The following FUT6 variants were observed in gnomAD, a reference collection of about 807,000 sequenced individuals.
FUT6 encodes the protein fucosyltransferase 6, also known as 4-galactosyl-N-acetylglucosaminide 3-alpha-L-fucosyltransferase FUT6.
For synonymous variants in FUT6, 187 were observed against 209.9 expected, an observed-to-expected ratio of 0.89 and a Z score of 0.94; for missense variants, 454 against 494.6, an observed-to-expected ratio of 0.92 and a Z score of 0.78.
In FUT6 at chr19:5,832,421, GC is replaced by G. The variant is rs745348421; in HGVS notation, c.146del (p.Arg49ProfsTer15). ...DDPTVYPNGS[R>X]FPDSTGTPAH... Reference sequence around the variant, plus strand: ...CGGGGGTCCCTGTGCTGTCTGGGAAGCGGGACCCATTAGGGTACACAGTGGG... The same window carrying G: ...CGGGGGTCCCTGTGCTGTCTGGGAAGGGGACCCATTAGGGTACACAGTGGG... On this transcript the variant is annotated frameshift_variant, in exon 3 of 3. Coordinates refer to ENST00000318336, the MANE Select transcript of FUT6 (RefSeq NM_000150.4). LOFTEE classifies it low-confidence loss of function (END_TRUNC). This position sits in a 1 kb window ranked among gnomAD's most constrained non-coding sequence, Gnocchi z 4.3. The G allele has an allele frequency of 4.2e-5, 67 of 1,613,910 alleles. No individual in the cohort carries two copies. In the South Asian group the frequency reaches 5.6e-4, roughly 13 times the overall value.
At position 5,839,568 on chromosome 19, in the gene FUT6, A is replaced by G. The variant is rs1430753762; in HGVS notation, c.-1032T>C. ...TTCTGGTAGGCTGGGCACAGGTCCC[A>G]TATTGGTGGCAGAAGCTTCCTCCGG... On this transcript the variant is annotated 5_prime_UTR_variant, in exon 1 of 3. It removes an upstream start codon present in the reference 5' UTR. Transcript: ENST00000318336. 6.6e-6 allele frequency: 1 copy of G among 152,248 alleles called. No individual in the cohort carries two copies. Among genetic ancestry groups the G allele is most frequent in the East Asian group, 1.9e-4 (1 of 5,202 alleles). The allele number at this position is 152,248 out of a possible 1,614,324, so 9.4% of individuals were successfully genotyped here. A position where few individuals can be genotyped will look rare whatever the true frequency, so the allele number is the denominator to read the frequency against.
chr19:5,833,614 T>C (rs956861856), intron 2 of FUT6, among the ~76,000 whole-genome samples: 1 of 150,270 alleles, frequency 6.7e-6, no homozygotes, highest in Non-Finnish European at 1.5e-5. Flanking sequence ...GCCAACGTGG[T>C]GAAACCCATC....
chr19:5,832,383 G>A lies in FUT6; in HGVS notation c.185C>T (p.Pro62Leu), dbSNP rs1487141412. ...DSTGTPAHSI[P>L]LILLWTWPFN... ...AGGCCACGTCCACAGCAGGATCAGG[G>A]GGATGGAGTGGGCGGGGGTCCCTGT... is the stretch of plus-strand genomic sequence containing the variant. The change falls in exon 3 of 3, where the codon CCC (proline) becomes CTC (leucine). Residue 62 changes from proline (P) to leucine (L), a missense_variant. By Grantham distance (98) the Pro-to-Leu change is moderately conservative (BLOSUM62 -3). Transcript: ENST00000318336. This position sits in a 1 kb window ranked among gnomAD's most constrained non-coding sequence, Gnocchi z 4.3. 9 of 1,614,120 alleles carry A rather than the reference G, an allele frequency of 5.6e-6. No homozygotes were observed. The highest frequency in any genetic ancestry group is 6.8e-6 in the Non-Finnish European group (8 of 1,180,024).
At position 5,831,734 on chromosome 19, in the gene FUT6, G is replaced by A; in HGVS notation, c.834C>T (p.Ser278=). ...CGGGTGGCAGGAACCTCTCGTAGTT[G>A]CTTCTGCTGGGGCCCAGCACCACGG... ...AVPVVLGPSR[S]NYERFLPPDA... Residue 278 remains serine, a synonymous_variant, in exon 3 of 3, where the codon AGC becomes AGT. Coordinates refer to ENST00000318336, the MANE Select transcript of FUT6 (RefSeq NM_000150.4). This position sits in a 1 kb window ranked among gnomAD's most constrained non-coding sequence, Gnocchi z 7.0. 1 of 1,612,396 alleles carries A rather than the reference G, an allele frequency of 6.2e-7. No homozygotes were observed. Among genetic ancestry groups the A allele is most frequent in the Non-Finnish European group, 8.5e-7 (1 of 1,179,172 alleles).
intron 1 of FUT6, chr19:5,838,057 T>C (rs1023227742): frequency 2.6e-5 from 4 of 152,108 alleles, no homozygotes; most frequent in South Asian, 2.1e-4. Context: ...TATATTATCA[T>C]GTGGCCCCTG....
intron 2 of FUT6, among the ~76,000 whole-genome samples, chr19:5,833,485 G>GAA (rs887388902): frequency 4.7e-4 from 55 of 118,186 alleles, no homozygotes; most frequent in African/African-American, 1.5e-3. Flanking sequence ...TTCTATCTTG[G>GAA]AAAAAAAAAA....
At position 5,831,445 on chromosome 19, in the gene FUT6, A is replaced by G. The variant is rs752133877; in HGVS notation, c.*43T>C. On this transcript the variant is annotated 3_prime_UTR_variant, in exon 3 of 3. Coordinates refer to ENST00000318336, the MANE Select transcript of FUT6 (RefSeq NM_000150.4). The surrounding 1 kb of genome is among the most constrained non-coding windows in gnomAD (Gnocchi z 7.0). Reference sequence around the variant, plus strand: ...GAGGCCCCCACTCAGGTGAGGCCCCAGGAAAATGAGGTTCCTGGCAGCCCA... The same window carrying G: ...GAGGCCCCCACTCAGGTGAGGCCCCGGGAAAATGAGGTTCCTGGCAGCCCA... The G allele has an allele frequency of 4.3e-6, 7 of 1,613,612 alleles. No individual in the cohort carries two copies. The highest frequency in any genetic ancestry group is 5.9e-6 in the Non-Finnish European group (7 of 1,180,018).
In FUT6 at chr19:5,832,884, T is replaced by C; in HGVS notation, c.-12-305A>G. ...ACCTTGATCCTGTCCTTTTCTGGTG[T>C]GTCCCCAGACTCTTCCTCAATCTGG... On this transcript the variant is annotated intron_variant, in intron 2 of 2. Coordinates refer to ENST00000318336, the MANE Select transcript of FUT6 (RefSeq NM_000150.4). This position sits in a 1 kb window ranked among gnomAD's most constrained non-coding sequence, Gnocchi z 4.3. 2.3e-6 allele frequency: 1 copy of C among 426,840 alleles called. No homozygotes were observed. The highest frequency in any genetic ancestry group is 4.3e-6 in the Non-Finnish European group (1 of 233,034). 26.4% of individuals were successfully genotyped at this position (426,840 alleles called of 1,614,324 possible).
At chr19:5,833,644 T>C (rs1330190214) in intron 2 of FUT6, among the ~76,000 whole-genome samples, 1 of 150,778 alleles carries the variant, frequency 6.6e-6, no homozygotes, top group Non-Finnish European at 1.5e-5. Context: ...AATACAAAAA[T>C]TAGCTGGGCG....
Position 5,830,579 on chromosome 19 carries a change from C to A in FUT6, c.*909G>T, listed in dbSNP as rs539385995. 6.7e-6 allele frequency: 1 copy of A among 149,742 alleles called. No homozygotes were observed. The highest frequency in any genetic ancestry group is 1.5e-5 in the Non-Finnish European group (1 of 67,800). The allele number at this position is 149,742 out of a possible 1,614,324, so 9.3% of individuals were successfully genotyped here. On this transcript the variant is annotated 3_prime_UTR_variant, in exon 3 of 3. Coordinates refer to ENST00000318336, the MANE Select transcript of FUT6 (RefSeq NM_000150.4). Reference sequence around the variant, plus strand: ...ACCTGGGTAGCTGGGATTACAGGCACCGGCCACCGCACCCAGCTAATTTTT... The same window carrying A: ...ACCTGGGTAGCTGGGATTACAGGCAACGGCCACCGCACCCAGCTAATTTTT...
intron 1 of FUT6, among the ~76,000 whole-genome samples, chr19:5,836,157 GT>G (rs1197395887): frequency 2.6e-5 from 4 of 151,580 alleles, no homozygotes; most frequent in Non-Finnish European, 5.9e-5. Context: ...GCCTCCCAAA[GT>G]GCTGAGATTA....
At chr19:5,835,754 T>C (rs1354713866) in intron 1 of FUT6, among the ~76,000 whole-genome samples, 1 of 152,124 alleles carries the variant, frequency 6.6e-6, no homozygotes, top group East Asian at 1.9e-4. Context: ...GCCTGGGTGA[T>C]GAGAGTGAAA....
chr19:5,838,511 C>A (rs1275842655), intron 1 of FUT6, 166 bp downstream of exon 1: 3 of 152,452 alleles, frequency 2.0e-5, no homozygotes, highest in Non-Finnish European at 4.4e-5. Context: ...TGCCAGGCCA[C>A]TGCACAGCCT....
rs1236522825 is a variant in FUT6, at chr19:5,831,663, G to A, written c.905C>T (p.Ala302Val). Residue 302 changes from alanine (A) to valine (V), a missense_variant, in exon 3 of 3, where the codon GCC becomes GTC. By Grantham distance (64) the Ala-to-Val change is moderately conservative. Transcript: ENST00000318336. This position sits in a 1 kb window ranked among gnomAD's most constrained non-coding sequence, Gnocchi z 7.0. ...CTTGTCCAGCTCCTGCAGGTACCGG[G>A]CCAGGTCCTTGGGGCTCTGGAAGTC... ...VDDFQSPKDL[A>V]RYLQELDKDH... 2 of 1,612,628 alleles carry A rather than the reference G, an allele frequency of 1.2e-6. No homozygotes were observed. The highest frequency in any genetic ancestry group is 8.5e-7 in the Non-Finnish European group (1 of 1,179,880).
rs1190406567 is a variant in FUT6 at position 5,831,568 on chromosome 19, G to C, written c.1000C>G (p.Leu334Val). Residue 334 changes from leucine (L) to valine (V), a missense_variant, in exon 3 of 3, where the codon CTC (leucine) becomes GTC (valine). Coordinates refer to ENST00000318336, the MANE Select transcript of FUT6 (RefSeq NM_000150.4). This position sits in a 1 kb window ranked among gnomAD's most constrained non-coding sequence, Gnocchi z 7.0. ...TLRPRSFSWA[L>V]AFCKACWKLQ... ...TTCCAGCAGGCCTTGCAGAAAGCGA[G>C]TGCCCAGCTGAAGGAGCGAGGCCGC... The C allele has an allele frequency of 1.2e-6, 2 of 1,614,150 alleles. No homozygotes were observed. Among genetic ancestry groups the C allele is most frequent in the Admixed American group, 1.7e-5 (1 of 60,030 alleles).
In FUT6 at chr19:5,835,558, C is replaced by T. The variant is rs149138148; in HGVS notation, c.-140-481G>A. Among the ~76,000 whole-genome samples the T allele has an allele frequency of 6.9e-3, 1,057 of 152,092 alleles. 10 individuals carry two copies. The highest frequency in any genetic ancestry group is 0.024 in the African/African-American group (1,007 of 41,470). On this transcript the variant is annotated intron_variant, in intron 1 of 2. Coordinates refer to ENST00000318336, the MANE Select transcript of FUT6 (RefSeq NM_000150.4). ...CAGTACTTTGGGAGGCTGAGGTGGG[C>T]GGATTACCTGAGGTCAGGAGTTCAA...
rs767796541 is a variant in FUT6, at chr19:5,831,722, C to A, written c.846G>T (p.Arg282Ser). Residue 282 changes from arginine (R) to serine (S), a missense_variant, in exon 3 of 3, where the codon AGG becomes AGT. Coordinates refer to ENST00000318336, the MANE Select transcript of FUT6 (RefSeq NM_000150.4). This position sits in a 1 kb window ranked among gnomAD's most constrained non-coding sequence, Gnocchi z 7.0. ...GGATGAAGGCGTCGGGTGGCAGGAA[C>A]CTCTCGTAGTTGCTTCTGCTGGGGC... ...VLGPSRSNYE[R>S]FLPPDAFIHV... 2.5e-6 allele frequency: 4 copies of A among 1,611,548 alleles called. No individual in the cohort carries two copies. Among genetic ancestry groups the A allele is most frequent in the South Asian group, 2.2e-5 (2 of 90,998 alleles).
At chr19:5,833,661 C>G (rs1418480794) in intron 2 of FUT6, among the ~76,000 whole-genome samples, 2 of 151,076 alleles carry the variant, frequency 1.3e-5, no homozygotes, top group Non-Finnish European at 2.9e-5. Flanking sequence ...GGCGTGGTGG[C>G]GGGCACCTGT....
rs767375770 is a variant in FUT6, at chr19:5,831,886, G to A, written c.682C>T (p.Leu228=). 11 of 1,613,998 alleles carry A rather than the reference G, an allele frequency of 6.8e-6. No homozygotes were observed. The East Asian group carries it at 1.3e-4, about 20-fold the overall frequency. ...VDVYGRSHKP[L]PQGTMMETLS... is the part of the protein sequence containing the mutation. ...GTCTCCATCATGGTTCCCTGGGGCA[G>A]GGGCTTGTGGGAGCGTCCGTACACG... The change falls in exon 3 of 3, where the codon CTG becomes TTG. Residue 228 remains leucine (L), a synonymous_variant. Coordinates refer to ENST00000318336, the MANE Select transcript of FUT6 (RefSeq NM_000150.4). The surrounding 1 kb of genome is among the most constrained non-coding windows in gnomAD (Gnocchi z 7.0).
Sources: allele counts gnomAD v4.1 joint callset (sites outside exome capture counted in the v4.1 genomes callset), GRCh38; gene constraint gnomAD v4.1.1; non-coding constraint Gnocchi (gnomAD v3.1); transcripts MANE v1.5; gene names NCBI Gene and HGNC (gene_info 2026-07-23, HGNC 2026-07-21).